Variants in FOXP2 observed in about 807,000 individuals in gnomAD.
The protein encoded by FOXP2 is forkhead box protein P2.
FOXP2 carries 12 observed loss-of-function variants against 115.8 expected under a neutral mutation model. That is an observed-to-expected ratio of 0.10 (90% CI 0.07 to 0.17). The LOEUF is 0.17. Ranked by LOEUF, FOXP2 falls within the 10% of genes least tolerant of loss-of-function variation. The pLI is 1.00. For missense variants in FOXP2, 629 were observed against 843.5 expected (o/e 0.75, Z 3.15); for synonymous variants, 328 against 297.7 (o/e 1.10, Z -1.05).
chr7:114,367,511 A>G (rs939556210), intron 2 of FOXP2, among the ~76,000 whole-genome samples: 1 of 152,168 alleles, frequency 6.6e-6, no homozygotes, highest in South Asian at 2.1e-4. Context: ...ATAAGTAATA[A>G]TAAGTTACTA....
chr7:114,412,794 G>T (rs747780323), upstream of FOXP2, among the ~76,000 whole-genome samples: 16 of 152,034 alleles, frequency 1.1e-4, no homozygotes, highest in Non-Finnish European at 1.8e-4. Flanking sequence ...ATAGTTAGGG[G>T]GTTGCTATGG....
chr7:114,664,153 C>A (rs1807035265), intron 15 of FOXP2, 120 bp from the exon 16 acceptor site: 1 of 1,178,948 alleles, frequency 8.5e-7, no homozygotes, highest in Non-Finnish European at 1.2e-6. Context: ...AATACATTTT[C>A]TTTTAATCCT....
chr7:114,250,846 G>C (rs568687625), intron 1 of FOXP2, among the ~76,000 whole-genome samples: 23 of 152,204 alleles, frequency 1.5e-4, no homozygotes, highest in Admixed American at 1.3e-3. Flanking sequence ...CATTGCTTTT[G>C]GTGTTTTAGA....
intron 2 of FOXP2, among the ~76,000 whole-genome samples, chr7:114,449,376 G>A (rs1246675790): frequency 6.6e-6 from 1 of 151,854 alleles, no homozygotes; most frequent in Non-Finnish European, 1.5e-5. Context: ...TTCCATAAAT[G>A]CCAACTTTTA....
intron 2 of FOXP2, among the ~76,000 whole-genome samples, chr7:114,433,773 A>G (rs918443425): frequency 2.0e-5 from 3 of 151,974 alleles, no homozygotes; most frequent in Non-Finnish European, 2.9e-5. Context: ...ACTAAAAGCA[A>G]ATAGATTTCA....
chr7:114,551,445 A>G (rs1246946377), intron 3 of FOXP2, among the ~76,000 whole-genome samples: 1 of 152,180 alleles, frequency 6.6e-6, no homozygotes, highest in Admixed American at 6.5e-5. Flanking sequence ...GTTCTATGGA[A>G]TAAATTGGGT....
chr7:114,139,467 A>C (rs1792143888), intron 1 of FOXP2, among the ~76,000 whole-genome samples: 1 of 152,132 alleles, frequency 6.6e-6, no homozygotes, highest in Admixed American at 6.6e-5. Flanking sequence ...TTATTTCCTT[A>C]GATTGTAATA....
chr7:114,271,499 T>C (rs1796036924), intron 1 of FOXP2, among the ~76,000 whole-genome samples: 2 of 133,260 alleles, frequency 1.5e-5, no homozygotes, highest in African/African-American at 2.8e-5. Flanking sequence ...TTTATATAAA[T>C]ATATTAATAA....
In FOXP2 at chr7:114,662,433, T is replaced by C. The variant is rs540409857; in HGVS notation, c.1769+247T>C. On this transcript the variant is annotated intron_variant, in intron 14 of 16. Coordinates refer to ENST00000350908, the MANE Select transcript of FOXP2 (RefSeq NM_014491.4). ...CATCAATTCAGCATTTCTACGTGTA[T>C]CAAAAAATTGTTTTTCAAGATGGAA... is the stretch of plus-strand genomic sequence containing the variant. Among the ~76,000 whole-genome samples the C allele has an allele frequency of 2.0e-5, 3 of 152,168 alleles. No homozygotes were observed. The South Asian group carries it at 6.2e-4, about 32-fold the overall frequency.
At chr7:114,373,171 G>T (rs1045537384) in intron 2 of FOXP2, among the ~76,000 whole-genome samples, 3 of 151,800 alleles carry the variant, frequency 2.0e-5, no homozygotes, top group Admixed American at 6.6e-5. Context: ...TTTTTTGTTT[G>T]TTTGTTTGTT....
intron 1 of FOXP2, among the ~76,000 whole-genome samples, chr7:114,424,832 G>T (rs937735876): frequency 6.6e-6 from 1 of 151,160 alleles, no homozygotes; most frequent in Non-Finnish European, 1.5e-5. Context: ...TATCCAAACA[G>T]CTTTAAGTTG....
upstream of FOXP2, among the ~76,000 whole-genome samples, chr7:114,161,639 T>C (rs953739977): frequency 2.0e-5 from 3 of 151,628 alleles, no homozygotes; most frequent in East Asian, 5.8e-4. Flanking sequence ...CACGTGTATG[T>C]GTGTGTGTGT....
At position 114,539,234 on chromosome 7, in the gene FOXP2, CTT is replaced by C. The variant is rs548743113; in HGVS notation, c.258+4529_258+4530del. ...AAAATATTCTGGAGGAAAATACTAACTTATATGGGATATAGAATCACTCATTA... is the reference window on the plus strand; with the variant it reads ...AAAATATTCTGGAGGAAAATACTAACATATGGGATATAGAATCACTCATTA... On this transcript the variant is annotated intron_variant, in intron 3 of 16. Coordinates refer to ENST00000350908, the MANE Select transcript of FOXP2 (RefSeq NM_014491.4). Among the ~76,000 whole-genome samples, 6 of 151,884 alleles carry C rather than the reference CTT, an allele frequency of 4.0e-5. No homozygotes were observed. The South Asian group carries it at 1.2e-3, about 31-fold the overall frequency.
At chr7:114,525,389 A>T (rs1798811309) in intron 2 of FOXP2, among the ~76,000 whole-genome samples, 1 of 152,216 alleles carries the variant, frequency 6.6e-6, no homozygotes, top group African/African-American at 2.4e-5. Context: ...ATTAAATTAG[A>T]GCAGTAGAAA....
chr7:114,137,036 G>A (rs1792059902), intron 1 of FOXP2, among the ~76,000 whole-genome samples: 2 of 151,984 alleles, frequency 1.3e-5, no homozygotes, highest in African/African-American at 2.4e-5. Flanking sequence ...AAAACTTAAT[G>A]TGCTGTATGA....
At chr7:114,230,952 C>T (rs530207511) in intron 1 of FOXP2, among the ~76,000 whole-genome samples, 40 of 141,438 alleles carry the variant, frequency 2.8e-4, no homozygotes, top group Non-Finnish European at 5.2e-4. Context: ...AACATGATCT[C>T]ATATATAGAA....
At chr7:114,172,953 T>C (rs1188096800) in intron 1 of FOXP2, among the ~76,000 whole-genome samples, 1 of 152,070 alleles carries the variant, frequency 6.6e-6, no homozygotes, top group African/African-American at 2.4e-5. Context: ...GATGAGGACC[T>C]GTCTATTTCC....
intron 1 of FOXP2, among the ~76,000 whole-genome samples, chr7:114,131,632 G>A (rs985838128): frequency 6.6e-6 from 1 of 152,054 alleles, no homozygotes; most frequent in African/African-American, 2.4e-5. Flanking sequence ...GAATTGCCAA[G>A]ATTCCATTGC....
intron 2 of FOXP2, among the ~76,000 whole-genome samples, chr7:114,300,835 T>C (rs1796862768): frequency 6.6e-6 from 1 of 151,972 alleles, no homozygotes; most frequent in African/African-American, 2.4e-5. Flanking sequence ...AAAAACTGTC[T>C]TTCATAAAAT....
Sources: allele counts gnomAD v4.1 joint callset (sites outside exome capture counted in the v4.1 genomes callset), GRCh38; gene constraint gnomAD v4.1.1; transcripts MANE v1.5; gene names NCBI Gene and HGNC (gene_info 2026-07-23, HGNC 2026-07-21).